Variants in KAT2B observed in about 807,000 individuals in gnomAD.
The protein encoded by KAT2B is histone acetyltransferase KAT2B.
A neutral mutation model predicts 105.9 loss-of-function variants in KAT2B; 36 were observed. The observed-to-expected ratio is 0.34, with a 90% CI of 0.26 to 0.45. The LOEUF (loss-of-function observed/expected upper bound fraction) is 0.45, where lower values mean the gene tolerates loss of function less well. KAT2B is among the 20% of genes least tolerant of loss of function. The probability of loss-of-function intolerance (pLI) is 1.00; values close to 1 mark genes in which losing one functional copy is unlikely to be tolerated. For synonymous variants in KAT2B, 397 were observed against 377.9 expected (o/e 1.05, Z -0.59); for missense variants, 820 against 1,021.6 (o/e 0.80, Z 2.69).
intron 4 of KAT2B, among the ~76,000 whole-genome samples, chr3:20,100,298 T>C (rs958524511): frequency 6.6e-6 from 1 of 152,230 alleles, no homozygotes; most frequent in African/African-American, 2.4e-5. Flanking sequence ...TGCTTGGCAC[T>C]GTCTGAGAAA....
intron 11 of KAT2B, among the ~76,000 whole-genome samples, chr3:20,133,125 C>T (rs1699540780): frequency 6.6e-6 from 1 of 152,148 alleles, no homozygotes; most frequent in Non-Finnish European, 1.5e-5. Flanking sequence ...CACTACCATC[C>T]TGCTATTTTT....
At chr3:20,062,282 A>AATATTATATATATAAT (rs1251436874) in intron 1 of KAT2B, among the ~76,000 whole-genome samples, 2 of 50,808 alleles carry the variant, frequency 3.9e-5, no homozygotes, top group Non-Finnish European at 7.9e-5. Flanking sequence ...TAATATATAA[A>AATATTATATATATAAT]ATATAATATA....
At chr3:20,087,970 A>G (rs1698650908) in intron 2 of KAT2B, among the ~76,000 whole-genome samples, 1 of 152,020 alleles carries the variant, frequency 6.6e-6, no homozygotes, top group South Asian at 2.1e-4. Flanking sequence ...TTGTAGAGAC[A>G]GGGTCTTGCC....
chr3:20,051,488 G>A (rs1352457692), intron 1 of KAT2B, among the ~76,000 whole-genome samples: 2 of 152,218 alleles, frequency 1.3e-5, no homozygotes, highest in South Asian at 4.1e-4. Flanking sequence ...GGTGAGCCAT[G>A]CAGAACCATA....
intron 5 of KAT2B, among the ~76,000 whole-genome samples, chr3:20,108,714 C>T (rs1699066033): frequency 6.6e-6 from 1 of 152,174 alleles, no homozygotes; most frequent in Non-Finnish European, 1.5e-5. Context: ...GTCCGTGGCT[C>T]ATTAGGAACC....
At chr3:20,092,746 G>C (rs1303890692) in intron 2 of KAT2B, among the ~76,000 whole-genome samples, 1 of 151,860 alleles carries the variant, frequency 6.6e-6, no homozygotes, top group Non-Finnish European at 1.5e-5. Context: ...TCTGTCACTA[G>C]GCTGGAGTGC....
At chr3:20,060,550 G>A (rs1186354135) in intron 1 of KAT2B, among the ~76,000 whole-genome samples, 3 of 152,094 alleles carry the variant, frequency 2.0e-5, no homozygotes, top group Admixed American at 6.6e-5. Context: ...GCAGTGAGCT[G>A]AGATCACGCC....
At chr3:20,087,922 G>A (rs967462320) in intron 2 of KAT2B, among the ~76,000 whole-genome samples, 3 of 150,732 alleles carry the variant, frequency 2.0e-5, no homozygotes, top group African/African-American at 7.4e-5. Flanking sequence ...CTACAGATCT[G>A]AGCCACCATA....
At chr3:20,090,927 T>A (rs527994310) in intron 2 of KAT2B, among the ~76,000 whole-genome samples, 80 of 152,208 alleles carry the variant, frequency 5.3e-4, no homozygotes, top group African/African-American at 1.7e-3. Flanking sequence ...TTTATTTTTA[T>A]TTTTTGTAGA....
intron 2 of KAT2B, among the ~76,000 whole-genome samples, chr3:20,077,997 A>G (rs1398946733): frequency 6.6e-6 from 1 of 152,130 alleles, no homozygotes; most frequent in Admixed American, 6.6e-5. Flanking sequence ...CAACATGGCG[A>G]AACTCCACCT....
At chr3:20,075,250 C>G (rs1260709570) in intron 2 of KAT2B, among the ~76,000 whole-genome samples, 1 of 151,646 alleles carries the variant, frequency 6.6e-6, no homozygotes, top group African/African-American at 2.4e-5. Context: ...AGCGATATTG[C>G]GAGACTCTGT....
chr3:20,090,692 A>AAT (rs1698701062), intron 2 of KAT2B, among the ~76,000 whole-genome samples: 1 of 152,030 alleles, frequency 6.6e-6, no homozygotes, highest in Non-Finnish European at 1.5e-5. Context: ...GTATTAGTAT[A>AAT]ATGCTGACCT....
intron 2 of KAT2B, among the ~76,000 whole-genome samples, chr3:20,083,390 T>C (rs1269536315): frequency 1.3e-5 from 2 of 152,212 alleles, no homozygotes; most frequent in African/African-American, 4.8e-5. Context: ...GGGTTTCTTT[T>C]AATAATGAAT....
intron 11 of KAT2B, among the ~76,000 whole-genome samples, chr3:20,133,710 T>C (rs887894308): frequency 1.3e-5 from 2 of 152,218 alleles, no homozygotes; most frequent in African/African-American, 4.8e-5. Flanking sequence ...TATTTCCAGA[T>C]TGTCTTCTCA....
At chr3:20,047,054 C>T (rs1697823551) in intron 1 of KAT2B, among the ~76,000 whole-genome samples, 1 of 151,526 alleles carries the variant, frequency 6.6e-6, no homozygotes. Flanking sequence ...AAAGAAAAAA[C>T]ATCAATGGTT....
chr3:20,062,102 TAA>T lies in KAT2B; in HGVS notation c.304-10230_304-10229del, dbSNP rs534843076. Reference sequence around the variant, plus strand: ...TAATATATATTATATATAAAACATATAATATATATTATATAAAACATATATAT... The same window carrying T: ...TAATATATATTATATATAAAACATATTATATATTATATAAAACATATATAT... On this transcript the variant is annotated intron_variant, in intron 1 of 17. Coordinates refer to ENST00000263754, the MANE Select transcript of KAT2B (RefSeq NM_003884.5). Among the ~76,000 whole-genome samples, 476 of 50,184 alleles carry T rather than the reference TAA, an allele frequency of 9.5e-3. 17 individuals are homozygous for T. The highest frequency in any genetic ancestry group is 0.048 in the African/African-American group (449 of 9,432). The allele number at this position is 50,184 out of a possible 152,430, so 32.9% of individuals were successfully genotyped here. A position where few individuals can be genotyped will look rare whatever the true frequency, so the allele number is the denominator to read the frequency against.
chr3:20,110,865 G>A (rs1388943605), intron 5 of KAT2B, among the ~76,000 whole-genome samples: 2 of 151,996 alleles, frequency 1.3e-5, no homozygotes, highest in Admixed American at 6.6e-5. Flanking sequence ...CTCCTCCAGC[G>A]TCGTGCAGTG....
intron 1 of KAT2B, among the ~76,000 whole-genome samples, chr3:20,063,305 G>T (rs1411057641): frequency 6.7e-6 from 1 of 149,770 alleles, no homozygotes; most frequent in Non-Finnish European, 1.5e-5. Flanking sequence ...GACCTTCCCA[G>T]CGTGCTGGGA....
At position 20,152,543 on chromosome 3, in the gene KAT2B, T is replaced by G. The variant is rs761633377; in HGVS notation, c.*18T>G. 4.4e-6 allele frequency: 7 copies of G among 1,602,542 alleles called. No individual in the cohort carries two copies. The highest frequency in any genetic ancestry group is 6.0e-6 in the Non-Finnish European group (7 of 1,171,490). On this transcript the variant is annotated 3_prime_UTR_variant, in exon 18 of 18. Coordinates refer to ENST00000263754, the MANE Select transcript of KAT2B (RefSeq NM_003884.5). ...ACAAGTGATTTTTTTTCCCCTCTGC[T>G]TCTTAGAAACTCACCAAGCAGTGTG...
Sources: allele counts gnomAD v4.1 joint callset (sites outside exome capture counted in the v4.1 genomes callset), GRCh38; gene constraint gnomAD v4.1.1; transcripts MANE v1.5; gene names NCBI Gene and HGNC (gene_info 2026-07-23, HGNC 2026-07-21).